The following CENPE variants were observed in gnomAD, a reference collection of about 807,000 sequenced individuals.
CENPE encodes centromere-associated protein E.
CENPE carries 145 observed loss-of-function variants against 336.1 expected under a neutral mutation model. That is an observed-to-expected ratio of 0.43 (90% CI 0.38 to 0.50). The LOEUF (loss-of-function observed/expected upper bound fraction) is 0.50, where lower values mean the gene tolerates loss of function less well. Ranked by LOEUF, CENPE falls within the 20% of genes least tolerant of loss-of-function variation. The pLI, the probability that CENPE is intolerant of heterozygous loss-of-function variation, is 0.00. For synonymous variants in CENPE, 1,013 were observed against 984.8 expected (o/e 1.03, Z -0.54); for missense variants, 2,719 against 3,023.3 (o/e 0.90, Z 2.36).
In CENPE at chr4:103,198,313, C is replaced by T. The variant is rs373184561; in HGVS notation, c.7G>A (p.Glu3Lys). 3 of 1,551,224 alleles carry T rather than the reference C, an allele frequency of 1.9e-6. No homozygotes were observed. In the African/African-American group the frequency reaches 4.1e-5, roughly 21 times the overall value. The change falls in exon 1 of 49, where the codon GAG becomes AAG. Residue 3 changes from glutamate to lysine, a missense_variant. Transcript: ENST00000265148. Reference sequence around the variant, plus strand: ...ACGCAGACGGCCACGGCTCCTTCCTCCGCCATCCTATCAGGCTGAACTGGT... The same window carrying T: ...ACGCAGACGGCCACGGCTCCTTCCTTCGCCATCCTATCAGGCTGAACTGGT... MAEEGAVAVCVRV... is the reference protein window; with the variant it reads MAKEGAVAVCVRV...
chr4:103,117,129 T>C (rs979910278), intron 44 of CENPE, among the ~76,000 whole-genome samples: 2 of 152,288 alleles, frequency 1.3e-5, no homozygotes, highest in East Asian at 3.9e-4. Context: ...GTATATTTTG[T>C]ACTGAAACAG....
intron 28 of CENPE, 105 bp from the exon 29 acceptor site, chr4:103,147,751 T>C: frequency 2.1e-6 from 2 of 944,560 alleles, no homozygotes; most frequent in Non-Finnish European, 3.1e-6. Context: ...GGGAGTGCAG[T>C]GGCGCAATCT....
chr4:103,186,108 C>T (rs759298029), intron 8 of CENPE, among the ~76,000 whole-genome samples: 2 of 152,166 alleles, frequency 1.3e-5, no homozygotes, highest in Non-Finnish European at 2.9e-5. Flanking sequence ...CAAAAACTTA[C>T]TATGGCAAAT....
chr4:103,181,579 T>C, intron 11 of CENPE, 123 bp from the exon 12 acceptor site: 2 of 763,308 alleles, frequency 2.6e-6, no homozygotes, highest in South Asian at 2.0e-5. Flanking sequence ...GTTGGCTTAA[T>C]ACTTTTGAAC....
chr4:103,153,289 G>T (rs544047351), intron 24 of CENPE, 39 bp from the exon 25 acceptor site: 170 of 1,366,188 alleles, frequency 1.2e-4, no homozygotes, highest in Non-Finnish European at 1.7e-4. Flanking sequence ...TTCTTAAGTA[G>T]TTAACAACAA....
At position 103,154,953 on chromosome 4, in the gene CENPE, G is replaced by C. The variant is rs191499040; in HGVS notation, c.3034-1703C>G. Among the ~76,000 whole-genome samples, 344 of 152,210 alleles carry C rather than the reference G, an allele frequency of 2.3e-3. 1 individual carries two copies. The highest frequency in any genetic ancestry group is 8.0e-3 in the African/African-American group (334 of 41,538). ...CTCTCTGGTGCCTAGATGAACAGGG[G>C]AGCACCTGGAAATCCCCATTTCCAC... is the stretch of plus-strand genomic sequence containing the variant. On this transcript the variant is annotated intron_variant, in intron 24 of 48. Transcript: ENST00000265148.
At position 103,136,338 on chromosome 4, in the gene CENPE, CT is replaced by C; in HGVS notation, c.6324del (p.Glu2109ArgfsTer9). 6.2e-7 allele frequency: 1 copy of C among 1,609,936 alleles called. No homozygotes were observed. The highest frequency in any genetic ancestry group is 8.5e-7 in the Non-Finnish European group (1 of 1,178,612). On this transcript the variant is annotated frameshift_variant, in exon 40 of 49. Transcript: ENST00000265148. LOFTEE classifies it high-confidence loss of function. ...AAGCACTCATAATGATCATCCATCT[CT>C]GAGTATCTCTTCAAAAGCTCCTAAA... is the stretch of plus-strand genomic sequence containing the variant. ...SRIKELLKRY[S>X]EMDDHYECLN...
chr4:103,169,382 T>C (rs529743595), intron 16 of CENPE, among the ~76,000 whole-genome samples: 5 of 152,070 alleles, frequency 3.3e-5, no homozygotes, highest in African/African-American at 7.2e-5. Context: ...AGCAGAAAAT[T>C]CCCAAACCTG....
At chr4:103,134,288 C>T (rs1362326157) in intron 40 of CENPE, among the ~76,000 whole-genome samples, 1 of 152,148 alleles carries the variant, frequency 6.6e-6, no homozygotes, top group Non-Finnish European at 1.5e-5. Flanking sequence ...TTTCAACATC[C>T]TCTCCTGCCA....
rs755576393 is a variant in CENPE at position 103,145,601 on chromosome 4, C to T, written c.4494G>A (p.Val1498=). Residue 1498 remains valine, a synonymous_variant, in exon 31 of 49, where the codon GTG becomes GTA. Transcript: ENST00000265148. ...TTTCAGTTTCCTTCTCTGAAAGATTCACTCTTAACTCATTAATAGTTTCCT... is the reference window on the plus strand; with the variant it reads ...TTTCAGTTTCCTTCTCTGAAAGATTTACTCTTAACTCATTAATAGTTTCCT... ...EQEETINELR[V]NLSEKETEIS... The T allele has an allele frequency of 1.9e-6, 3 of 1,610,534 alleles. No homozygotes were observed. In the South Asian group the frequency reaches 3.3e-5, roughly 18 times the overall value.
intron 43 of CENPE, 135 bp downstream of exon 43, chr4:103,122,736 C>T: frequency 1.6e-6 from 1 of 639,348 alleles, no homozygotes; most frequent in Non-Finnish European, 2.8e-6. Context: ...CATAGTAGAA[C>T]TACTAGTAAA....
intron 16 of CENPE, among the ~76,000 whole-genome samples, chr4:103,168,618 C>G (rs1318001827): frequency 6.6e-6 from 1 of 152,186 alleles, no homozygotes; most frequent in Non-Finnish European, 1.5e-5. Flanking sequence ...AATGGTTTTA[C>G]CCAGCCGGGG....
At chr4:103,177,609 C>T (rs1022206037) in intron 13 of CENPE, among the ~76,000 whole-genome samples, 1 of 152,006 alleles carries the variant, frequency 6.6e-6, no homozygotes, top group Non-Finnish European at 1.5e-5. Context: ...GAGTTGGGTG[C>T]CCAACAAGTT....
intron 24 of CENPE, among the ~76,000 whole-genome samples, chr4:103,157,873 A>G (rs1045750933): frequency 1.3e-5 from 2 of 151,992 alleles, no homozygotes; most frequent in Non-Finnish European, 2.9e-5. Context: ...AATATGAACT[A>G]TAATAAAAAT....
Position 103,182,764 on chromosome 4 carries a change from G to T in CENPE, c.961C>A (p.Gln321Lys). Residue 321 changes from glutamine to lysine, a missense_variant and splice_region_variant, in exon 11 of 49, where the codon CAG becomes AAG. Gln to Lys is a moderately conservative substitution (Grantham distance 53). Around this residue, in one of 5 missense-constraint regions of CENPE, gnomAD observed 117 missense variants for 215.8 expected, o/e 0.54. Transcript: ENST00000265148. ...GCTGAGATAAAAATCAAACTCACCT[G>T]GAGAGCAGTAAGTGTTTCATCAAAA... ...VSFDETLTAL[Q>K]FASTAKYMKN... 1 of 1,604,742 alleles carries T rather than the reference G, an allele frequency of 6.2e-7. No individual in the cohort carries two copies. Among genetic ancestry groups the T allele is most frequent in the South Asian group, 1.1e-5 (1 of 89,226 alleles).
At chr4:103,132,404 C>G (rs1751665200) in intron 42 of CENPE, among the ~76,000 whole-genome samples, 1 of 152,052 alleles carries the variant, frequency 6.6e-6, no homozygotes, top group Non-Finnish European at 1.5e-5. Flanking sequence ...GGAAAAGGCT[C>G]AGTTCTTACA....
chr4:103,111,372 G>A (rs61355145), intron 46 of CENPE, among the ~76,000 whole-genome samples: 27,362 of 152,154 alleles, frequency 0.18, 2,580 homozygotes, highest in Middle Eastern at 0.31. Context: ...AACACACTGC[G>A]TGTGTGGCGG....
chr4:103,118,808 A>G (rs535894672), intron 44 of CENPE, among the ~76,000 whole-genome samples: 2 of 152,190 alleles, frequency 1.3e-5, no homozygotes, highest in African/African-American at 4.8e-5. Context: ...CTTTGTTTCC[A>G]TCTCTCCCAG....
intron 33 of CENPE, 94 bp downstream of exon 33, chr4:103,144,237 G>T: frequency 8.6e-7 from 1 of 1,158,608 alleles, no homozygotes; most frequent in Non-Finnish European, 1.2e-6. Flanking sequence ...CGCCCGGCCT[G>T]GACCAATTTT....
Sources: allele counts gnomAD v4.1 joint callset (sites outside exome capture counted in the v4.1 genomes callset), GRCh38; gene constraint gnomAD v4.1.1; regional missense constraint gnomAD v4.1.1; transcripts MANE v1.5; gene names NCBI Gene and HGNC (gene_info 2026-07-23, HGNC 2026-07-21).